Variants in TMEM63C observed in about 807,000 individuals in gnomAD.
TMEM63C encodes transmembrane protein 63C.
Under a neutral mutation model 99.2 loss-of-function variants are expected in TMEM63C, and 32 were observed. The ratio of observed to expected loss-of-function variants is 0.32; its 90% CI spans 0.24 to 0.43. TMEM63C has a LOEUF of 0.43. Among genes scored for constraint, TMEM63C ranks in the 20% least tolerant of loss-of-function variants. The probability of loss-of-function intolerance (pLI) is 1.00; values close to 1 mark genes in which losing one functional copy is unlikely to be tolerated. For missense variants in TMEM63C, 826 were observed against 1,053.0 expected (o/e 0.78, Z 2.98); for synonymous variants, 376 against 397.9 (o/e 0.94, Z 0.66).
At position 77,239,599 on chromosome 14, in the gene TMEM63C, G is replaced by T. The variant is rs753532123; in HGVS notation, c.807-4G>T. The T allele has an allele frequency of 5.6e-6, 9 of 1,613,428 alleles. No homozygotes were observed. The highest frequency in any genetic ancestry group is 3.4e-6 in the Non-Finnish European group (4 of 1,179,748). ...GTCCTTCTCCTGTTGCCCACCGCTG[G>T]CAGGCGCCATGCCATGCGGGGCCGG... On this transcript the variant is annotated splice_region_variant and splice_polypyrimidine_tract_variant and intron_variant, in intron 11 of 23. Transcript: ENST00000298351.
chr14:77,248,419 C>A lies in TMEM63C; in HGVS notation c.1674C>A (p.Gly558=), dbSNP rs1889300961. Residue 558 remains glycine (G), a synonymous_variant, in exon 19 of 24, where the codon GGC becomes GGA. Transcript: ENST00000298351. ...YVITAALLGT[G]MELLRLGSLF... ...TCACGGCAGCTTTACTTGGCACAGG[C>A]ATGGAGCTGCTGCGTCTGGGGTCAC... is the stretch of plus-strand genomic sequence containing the variant. 2 of 1,597,878 alleles carry A rather than the reference C, an allele frequency of 1.3e-6. No individual in the cohort carries two copies. The highest frequency in any genetic ancestry group is 2.7e-5 in the African/African-American group (2 of 74,396).
At chr14:77,238,165 A>G (rs1889093371) in intron 9 of TMEM63C, among the ~76,000 whole-genome samples, 1 of 152,196 alleles carries the variant, frequency 6.6e-6, no homozygotes, top group Admixed American at 6.5e-5. Context: ...TAAAGTGTGA[A>G]GTTTAGGGAA....
At chr14:77,245,559 A>T (rs932399147) in intron 16 of TMEM63C, among the ~76,000 whole-genome samples, 2 of 152,242 alleles carry the variant, frequency 1.3e-5, no homozygotes, top group Non-Finnish European at 2.9e-5. Context: ...AAAAGGGTTT[A>T]TTGGACTTGC....
chr14:77,244,031 C>A (rs1383158814), intron 15 of TMEM63C, among the ~76,000 whole-genome samples: 4 of 151,838 alleles, frequency 2.6e-5, no homozygotes, highest in Admixed American at 6.6e-5. Context: ...CCTCCTCCCC[C>A]GCTCACATGT....
intron 2 of TMEM63C, among the ~76,000 whole-genome samples, chr14:77,216,330 T>C (rs1888585916): frequency 6.6e-6 from 1 of 152,206 alleles, no homozygotes; most frequent in Non-Finnish European, 1.5e-5. Context: ...CTGTAGATAT[T>C]GGCGCACCCC....
chr14:77,203,452 T>C lies in TMEM63C; in HGVS notation c.-76-9994T>C, dbSNP rs116775831. On this transcript the variant is annotated intron_variant, in intron 1 of 23. Coordinates refer to ENST00000298351, the MANE Select transcript of TMEM63C (RefSeq NM_020431.4). ...AAGTCTTCCTCGCCACCTAGTTCCCTACCCAGAAGACAAGCACTGGCAACA... is the reference window on the plus strand; with the variant it reads ...AAGTCTTCCTCGCCACCTAGTTCCCCACCCAGAAGACAAGCACTGGCAACA... Among the ~76,000 whole-genome samples, 302 of 150,812 alleles carry C rather than the reference T, an allele frequency of 2.0e-3. 1 individual carries two copies. The highest frequency in any genetic ancestry group is 7.1e-3 in the African/African-American group (291 of 41,162).
rs1236690413 is a variant in TMEM63C, at chr14:77,238,395, A to G, written c.652-299A>G. ...CAGCTTTCCAGTCCTTCCTCCCTTC[A>G]CCACAGCAGTCCGGAGCAGGGCACC... is the stretch of plus-strand genomic sequence containing the variant. On this transcript the variant is annotated intron_variant, in intron 9 of 23. Coordinates refer to ENST00000298351, the MANE Select transcript of TMEM63C (RefSeq NM_020431.4). Among the ~76,000 whole-genome samples, 4 of 152,254 alleles carry G rather than the reference A, an allele frequency of 2.6e-5. No homozygotes were observed. In the East Asian group the frequency reaches 7.7e-4, roughly 29 times the overall value.
At chr14:77,236,089 C>T (rs183944040) in intron 8 of TMEM63C, among the ~76,000 whole-genome samples, 72 of 946 alleles carry the variant, frequency 0.076, 10 homozygotes, top group African/African-American at 0.2. Flanking sequence ...GGGGAGACTG[C>T]GATGGGTGGG....
rs946668731 is a variant in TMEM63C at position 77,190,111 on chromosome 14, A to C, written c.-77+8217A>C. On this transcript the variant is annotated intron_variant, in intron 1 of 23. Transcript: ENST00000298351. ...ATAGTCACTGATACAGAGAAAATAG[A>C]ATTATGATTATTATTATTATTATTA... Among the ~76,000 whole-genome samples, 13 of 98,236 alleles carry C rather than the reference A, an allele frequency of 1.3e-4. 1 individual carries two copies. Among genetic ancestry groups the C allele is most frequent in the African/African-American group, 6.1e-4 (13 of 21,310 alleles). 64.4% of individuals were successfully genotyped at this position (98,236 alleles called of 152,430 possible). A position where few individuals can be genotyped will look rare whatever the true frequency, so the allele number is the denominator to read the frequency against.
chr14:77,244,339 C>A lies in TMEM63C; in HGVS notation c.1342-10C>A, dbSNP rs757143477. On this transcript the variant is annotated splice_polypyrimidine_tract_variant and intron_variant, in intron 15 of 23. Transcript: ENST00000298351. ...CGTCTCTCCTGCCGTCCTCCCCTCT[C>A]CCCCTGCAGAACCCAATTGTGACCC... 2 of 1,604,546 alleles carry A rather than the reference C, an allele frequency of 1.2e-6. No homozygotes were observed. Among genetic ancestry groups the A allele is most frequent in the Non-Finnish European group, 1.7e-6 (2 of 1,171,554 alleles).
chr14:77,245,715 G>A (rs547115968), intron 16 of TMEM63C, among the ~76,000 whole-genome samples: 6 of 152,110 alleles, frequency 3.9e-5, no homozygotes, highest in East Asian at 1.9e-4. Context: ...AGACTTATTC[G>A]CTATCATGAG....
At chr14:77,187,964 T>A (rs1011983393) in intron 1 of TMEM63C, among the ~76,000 whole-genome samples, 1 of 152,210 alleles carries the variant, frequency 6.6e-6, no homozygotes, top group Non-Finnish European at 1.5e-5. Context: ...ATGTGTCAGA[T>A]GCCCTTGAAG....
chr14:77,213,553 C>G (rs918214141), intron 2 of TMEM63C, 45 bp downstream of exon 2: 5 of 152,238 alleles, frequency 3.3e-5, no homozygotes, highest in African/African-American at 1.2e-4. Context: ...GGATCGCCTT[C>G]CTACACCTTC....
intron 8 of TMEM63C, among the ~76,000 whole-genome samples, chr14:77,235,956 G>A (rs1285007263): frequency 7.8e-5 from 1 of 12,830 alleles, no homozygotes; most frequent in Non-Finnish European, 1.7e-4. Context: ...GGGGGACTGC[G>A]GTGGGTGGTG....
intron 15 of TMEM63C, 71 bp downstream of exon 15, chr14:77,243,127 T>TG (rs878859292): frequency 1.8e-4 from 286 of 1,565,288 alleles, no homozygotes; most frequent in South Asian, 6.0e-4. Flanking sequence ...GAGGATGGGA[T>TG]GGGGGGAGCC....
chr14:77,207,033 G>T (rs1415868239), intron 1 of TMEM63C, among the ~76,000 whole-genome samples: 1 of 152,178 alleles, frequency 6.6e-6, no homozygotes. Flanking sequence ...GCTCCCAGGG[G>T]CCTGGGTGAC....
At chr14:77,231,423 T>C (rs1283832698) in intron 6 of TMEM63C, among the ~76,000 whole-genome samples, 165 bp from the exon 7 acceptor site, 1 of 151,570 alleles carries the variant, frequency 6.6e-6, no homozygotes, top group Non-Finnish European at 1.5e-5. Flanking sequence ...CTTTGAGATA[T>C]AGGGCAATTT....
intron 21 of TMEM63C, 51 bp downstream of exon 21, chr14:77,249,509 T>C (rs1387829213): frequency 3.1e-6 from 5 of 1,592,488 alleles, no homozygotes; most frequent in Non-Finnish European, 4.3e-6. Flanking sequence ...CCCACTGTTC[T>C]GTGAGTCCCT....
At chr14:77,232,434 C>A (rs150970486) in intron 7 of TMEM63C, among the ~76,000 whole-genome samples, 1 of 152,046 alleles carries the variant, frequency 6.6e-6, no homozygotes, top group East Asian at 1.9e-4. Context: ...ATTACAGGCA[C>A]CCGCCTCCAC....
Sources: allele counts gnomAD v4.1 joint callset (sites outside exome capture counted in the v4.1 genomes callset), GRCh38; gene constraint gnomAD v4.1.1; transcripts MANE v1.5; gene names NCBI Gene and HGNC (gene_info 2026-07-23, HGNC 2026-07-21).